RIPOR2: variants seen among roughly 807,000 people sequenced by gnomAD.
RIPOR2 encodes RHO family interacting cell polarization regulator 2.
In RIPOR2, 39 loss-of-function variants were observed where a neutral mutation model predicts 114.5. The ratio of observed to expected loss-of-function variants is 0.34; its 90% CI spans 0.26 to 0.44. The LOEUF (loss-of-function observed/expected upper bound fraction) is 0.44. RIPOR2 is among the 20% of genes least tolerant of loss of function. The pLI is 1.00. For synonymous variants in RIPOR2, 445 were observed against 484.4 expected (o/e 0.92, Z 1.07); for missense variants, 1,007 against 1,255.1 (o/e 0.80, Z 2.99).
intron 1 of RIPOR2, among the ~76,000 whole-genome samples, chr6:24,918,197 G>C (rs2817734): frequency 0.21 from 32,218 of 151,764 alleles, 3,484 homozygotes; most frequent in South Asian, 0.28. Context: ...AGTATCCCCT[G>C]CATCCCCATC....
intron 1 of RIPOR2, among the ~76,000 whole-genome samples, chr6:24,951,493 A>T (rs1305310926): frequency 2.0e-5 from 3 of 152,232 alleles, no homozygotes; most frequent in Admixed American, 1.3e-4. Context: ...GGATCCCTTC[A>T]AAAGCAGCTT....
upstream of RIPOR2, chr6:24,935,998 G>C: frequency 1.2e-6 from 1 of 841,458 alleles, no homozygotes; most frequent in Non-Finnish European, 1.9e-6. Context: ...GGTTGCCCAA[G>C]CCCTCTGGAG....
chr6:24,828,097 T>C (rs1213978189), intron 18 of RIPOR2, 40 bp downstream of exon 18: 1 of 1,468,958 alleles, frequency 6.8e-7, no homozygotes, highest in African/African-American at 1.4e-5. Flanking sequence ...TAACGCCAAA[T>C]TGAGCCACCA....
intron 1 of RIPOR2, among the ~76,000 whole-genome samples, chr6:25,027,875 G>C (rs1037239315): frequency 2.6e-5 from 4 of 152,194 alleles, no homozygotes; most frequent in Admixed American, 2.6e-4. Flanking sequence ...AGGAGCCGAG[G>C]AGGGCAGAGG....
chr6:24,937,851 A>G (rs1395713120), upstream of RIPOR2, among the ~76,000 whole-genome samples: 2 of 152,120 alleles, frequency 1.3e-5, no homozygotes, highest in Non-Finnish European at 2.9e-5. Context: ...TGGACAACTT[A>G]TGGGAGTGAC....
intron 1 of RIPOR2, chr6:25,024,260 C>A (rs1329908847): frequency 1.9e-6 from 3 of 1,542,652 alleles, no homozygotes; most frequent in East Asian, 2.3e-5. Context: ...GGATGGCCGG[C>A]CAGATGAACT....
chr6:24,914,853 A>G (rs1037927827), intron 1 of RIPOR2, among the ~76,000 whole-genome samples: 12 of 152,270 alleles, frequency 7.9e-5, no homozygotes, highest in Non-Finnish European at 4.4e-5. Context: ...CCATGCCTGA[A>G]GAACCACTGC....
At chr6:24,976,735 A>G (rs4127053) in intron 1 of RIPOR2, 1 of 1,610,728 alleles carries the variant, frequency 6.2e-7, no homozygotes, top group African/African-American at 1.3e-5. Context: ...AGAAATTTGA[A>G]GATGAGAACT....
chr6:24,937,750 G>T (rs1771896166), upstream of RIPOR2, among the ~76,000 whole-genome samples: 2 of 152,204 alleles, frequency 1.3e-5, no homozygotes, highest in Middle Eastern at 6.8e-3. Context: ...AGCAATGGGG[G>T]CTCTGAGGGC....
At position 24,850,539 on chromosome 6, in the gene RIPOR2, C is replaced by T. The variant is rs1012683036; in HGVS notation, c.885+58G>A. The T allele has an allele frequency of 2.5e-6, 4 of 1,605,546 alleles. No individual in the cohort carries two copies. In the African/African-American group the frequency reaches 5.3e-5, roughly 21 times the overall value. On this transcript the variant is annotated intron_variant, in intron 10 of 21. Transcript: ENST00000643898. ...GCAGGGGTCACGGGTAAGGGCCCCA[C>T]CAATGGATCATCCAGCCGTGGCACC...
chr6:24,838,974 C>A lies in RIPOR2; in HGVS notation c.2039+117G>T, dbSNP rs1251266332. Reference sequence around the variant, plus strand: ...AGGAACTGTAAGCCAACTGGTCACTCATGTGGAGAGTTTTATCTTCCTGGA... The same window carrying A: ...AGGAACTGTAAGCCAACTGGTCACTAATGTGGAGAGTTTTATCTTCCTGGA... On this transcript the variant is annotated intron_variant, in intron 14 of 21. Transcript: ENST00000643898. The A allele has an allele frequency of 3.7e-6, 3 of 804,288 alleles. No homozygotes were observed. In the Admixed American group the frequency reaches 8.7e-5, roughly 23 times the overall value. The allele number at this position is 804,288 out of a possible 1,614,324, so 49.8% of individuals were successfully genotyped here. A position where few individuals can be genotyped will look rare whatever the true frequency, so the allele number is the denominator to read the frequency against.
At chr6:24,940,341 G>T (rs1351201814), upstream of RIPOR2, among the ~76,000 whole-genome samples, 1 of 152,100 alleles carries the variant, frequency 6.6e-6, no homozygotes, top group African/African-American at 2.4e-5. Flanking sequence ...TGCTTCTGGA[G>T]AATTTCCCAC....
chr6:24,895,709 G>A (rs912406684), intron 1 of RIPOR2, among the ~76,000 whole-genome samples: 1 of 152,108 alleles, frequency 6.6e-6, no homozygotes, highest in Non-Finnish European at 1.5e-5. Context: ...GAACTTCTTC[G>A]GCCGGGCGCT....
intron 3 of RIPOR2, among the ~76,000 whole-genome samples, chr6:24,873,319 T>C (rs1765397131): frequency 6.6e-6 from 1 of 152,236 alleles, no homozygotes. Context: ...GAAAGTCTTA[T>C]TCTGGGTTCA....
chr6:24,977,313 AT>A (rs1181581054), intron 1 of RIPOR2, among the ~76,000 whole-genome samples: 7 of 150,028 alleles, frequency 4.7e-5, no homozygotes, highest in South Asian at 2.1e-4. Flanking sequence ...AATGTTTTCA[AT>A]TTTTTTTTTG....
intron 12 of RIPOR2, among the ~76,000 whole-genome samples, chr6:24,846,053 C>G (rs1762235495): frequency 6.6e-6 from 1 of 152,104 alleles, no homozygotes; most frequent in Non-Finnish European, 1.5e-5. Flanking sequence ...GGAAAGCCAT[C>G]CAGTTGTTTT....
chr6:24,873,832 G>T (rs761553403), intron 2 of RIPOR2, 33 bp from the exon 3 acceptor site: 7 of 1,563,842 alleles, frequency 4.5e-6, no homozygotes, highest in Non-Finnish European at 4.3e-6. Context: ...TGTGAGGATT[G>T]GGCATCCAAA....
intron 7 of RIPOR2, among the ~76,000 whole-genome samples, chr6:24,863,178 C>T (rs1019237712): frequency 6.6e-6 from 1 of 152,086 alleles, no homozygotes; most frequent in African/African-American, 2.4e-5. Context: ...GTCTTGAACT[C>T]CTGACCTCAA....
intron 1 of RIPOR2, chr6:25,023,961 G>A: frequency 1.4e-6 from 1 of 731,924 alleles, no homozygotes; most frequent in African/African-American, 1.7e-5. Flanking sequence ...TGTTCCACGG[G>A]TTCTTGGGAG....
Sources: allele counts gnomAD v4.1 joint callset (sites outside exome capture counted in the v4.1 genomes callset), GRCh38; gene constraint gnomAD v4.1.1; transcripts MANE v1.5; gene names NCBI Gene and HGNC (gene_info 2026-07-23, HGNC 2026-07-21).